Variants in DNAH2 observed in about 807,000 individuals in gnomAD.
DNAH2 encodes dynein axonemal heavy chain 2, also known as axonemal beta dynein heavy chain 2.
DNAH2 carries 323 observed loss-of-function variants against 523.5 expected under a neutral mutation model. The ratio of observed to expected loss-of-function variants is 0.62; its 90% CI spans 0.56 to 0.68. The LOEUF (loss-of-function observed/expected upper bound fraction) is 0.68, where lower values mean the gene tolerates loss of function less well. Among genes scored for constraint, DNAH2 ranks in the 30% least tolerant of loss-of-function variants. The pLI is 0.00. For missense variants in DNAH2, 4,907 were observed against 5,701.5 expected (o/e 0.86, Z 4.49); for synonymous variants, 2,093 against 2,177.4 (o/e 0.96, Z 1.08).
intron 21 of DNAH2, among the ~76,000 whole-genome samples, chr17:7,765,799 G>A (rs1414266938): frequency 6.6e-6 from 1 of 151,024 alleles, no homozygotes; most frequent in Non-Finnish European, 1.5e-5. Context: ...TTTTTTTTGA[G>A]ATGGAATCTC....
chr17:7,765,359 C>T, intron 20 of DNAH2, 32 bp from the exon 21 acceptor site: 2 of 1,592,906 alleles, frequency 1.3e-6, no homozygotes, highest in Non-Finnish European at 1.7e-6. Context: ...ACCTCCTGCT[C>T]CTGGTCATCC....
intron 12 of DNAH2, among the ~76,000 whole-genome samples, chr17:7,746,993 T>TA (rs768828946): frequency 0.063 from 6,280 of 100,386 alleles, 230 homozygotes; most frequent in Admixed American, 0.15. Context: ...ATCTCAAAAT[T>TA]AAAAAAAAAA....
At chr17:7,823,656 C>T (rs748049864) in intron 74 of DNAH2, 28 bp downstream of exon 74, 4 of 1,608,142 alleles carry the variant, frequency 2.5e-6, no homozygotes, top group Non-Finnish European at 3.4e-6. Flanking sequence ...CCCACTCTCA[C>T]TTTTCTCCTT....
intron 59 of DNAH2, among the ~76,000 whole-genome samples, chr17:7,804,739 G>A (rs560330524): frequency 4.4e-4 from 67 of 152,144 alleles, no homozygotes; most frequent in African/African-American, 1.6e-3. Flanking sequence ...CCAGCTACTC[G>A]GGAGGCTGAG....
intron 12 of DNAH2, among the ~76,000 whole-genome samples, chr17:7,756,618 C>A (rs2075846812): frequency 6.6e-6 from 1 of 152,084 alleles, no homozygotes; most frequent in African/African-American, 2.4e-5. Flanking sequence ...CCCCAAATAT[C>A]ATTCCAACAT....
At chr17:7,817,757 G>C in intron 66 of DNAH2, 33 bp from the exon 67 acceptor site, 1 of 1,614,104 alleles carries the variant, frequency 6.2e-7, no homozygotes, top group Non-Finnish European at 8.5e-7. Context: ...ATGGGAGAGA[G>C]GGCCTCACCT....
intron 59 of DNAH2, 22 bp from the exon 60 acceptor site, chr17:7,804,936 C>T (rs2077327402): frequency 3.1e-6 from 5 of 1,605,250 alleles, no homozygotes; most frequent in Admixed American, 3.3e-5. Flanking sequence ...ACAAAAAACC[C>T]TTGTCCTTTT....
At chr17:7,806,138 A>G (rs1053577548) in intron 61 of DNAH2, among the ~76,000 whole-genome samples, 1 of 152,202 alleles carries the variant, frequency 6.6e-6, no homozygotes, top group African/African-American at 2.4e-5. Flanking sequence ...AGTGTTCAAT[A>G]CATTACATGA....
Position 7,720,990 on chromosome 17 carries a change from T to G in DNAH2, c.166+1090T>G, listed in dbSNP as rs2074583099. ...TTCTGCCTCTCCCAGCTCCAAGCTT[T>G]CTTTTCTTTCTTTCTTTTTTTTTTT... On this transcript the variant is annotated intron_variant, in intron 2 of 85. Transcript: ENST00000572933. Among the ~76,000 whole-genome samples, 3 of 149,062 alleles carry G rather than the reference T, an allele frequency of 2.0e-5. No individual in the cohort carries two copies. The South Asian group carries it at 6.3e-4, about 31-fold the overall frequency.
Position 7,770,540 on chromosome 17 carries a change from C to A in DNAH2, c.4099-17C>A. ...AAGAGATACCTGACTGCTGTGTCCC[C>A]CAATTTCTCTCCACAGGCTTTACAA... On this transcript the variant is annotated splice_polypyrimidine_tract_variant and intron_variant, in intron 25 of 85. Transcript: ENST00000572933. 6.2e-7 allele frequency: 1 copy of A among 1,613,970 alleles called. No homozygotes were observed. The highest frequency in any genetic ancestry group is 1.1e-5 in the South Asian group (1 of 91,042).
chr17:7,748,177 C>T (rs796890163), intron 12 of DNAH2, among the ~76,000 whole-genome samples: 5 of 152,346 alleles, frequency 3.3e-5, no homozygotes, highest in African/African-American at 1.2e-4. Flanking sequence ...ACGGACAGAA[C>T]AGCTTCACAG....
intron 11 of DNAH2, 109 bp downstream of exon 11, chr17:7,741,101 C>A (rs1476187969): frequency 7.3e-7 from 1 of 1,370,612 alleles, no homozygotes; most frequent in Non-Finnish European, 9.7e-7. Flanking sequence ...GCACCTATGT[C>A]GGTGAGGGGA....
chr17:7,805,196 A>T, intron 60 of DNAH2, 56 bp from the exon 61 acceptor site: 1 of 1,603,960 alleles, frequency 6.2e-7, no homozygotes, highest in Non-Finnish European at 8.5e-7. Context: ...CACCTCAGCT[A>T]GGTTCTGTCT....
intron 27 of DNAH2, 48 bp from the exon 28 acceptor site, chr17:7,771,282 G>C: frequency 6.2e-7 from 1 of 1,611,964 alleles, no homozygotes; most frequent in Non-Finnish European, 8.5e-7. Flanking sequence ...GCAGAGGGTG[G>C]AGAGTGTGTA....
chr17:7,759,035 G>A lies in DNAH2; in HGVS notation c.2359G>A (p.Ala787Thr). ...FEEDQREHRA[A>T]VQQKLMNLHQ... The stretch of plus-strand genomic sequence containing the variant: ...AGAGGACCAAAGAGAGCATCGGGCA[G>A]CTGTACAGCAGAAATTGATGAACCT... The change falls in exon 15 of 86, where the codon GCT (alanine) becomes ACT (threonine). Residue 787 changes from alanine (A) to threonine (T), a missense_variant. By Grantham distance (58) the Ala-to-Thr change is moderately conservative. Coordinates refer to ENST00000572933, the MANE Select transcript of DNAH2 (RefSeq NM_020877.5). The A allele has an allele frequency of 1.9e-6, 3 of 1,614,208 alleles. No homozygotes were observed. The highest frequency in any genetic ancestry group is 2.5e-6 in the Non-Finnish European group (3 of 1,180,044).
rs2078255026 is a variant in DNAH2, at chr17:7,833,502, G to A, written c.13253G>A (p.Gly4418Asp). The change falls in exon 86 of 86, where the codon GGC becomes GAC. Residue 4418 changes from glycine (G) to aspartate (D), a missense_variant. By Grantham distance (94) the Gly-to-Asp change is moderately conservative. Around this residue, in one of 3 missense-constraint regions of DNAH2, gnomAD observed 1,851 missense variants for 2,139.4 expected, o/e 0.87. Coordinates refer to ENST00000572933, the MANE Select transcript of DNAH2 (RefSeq NM_020877.5). The stretch of plus-strand genomic sequence containing the variant: ...ACACCTGATCATTGGATCAAGAGGG[G>A]CACTGCTCTACTCATGAGCCTGGAC... ...AMTPDHWIKR[G>D]TALLMSLDS The A allele has an allele frequency of 6.2e-7, 1 of 1,614,048 alleles. No individual in the cohort carries two copies. The highest frequency in any genetic ancestry group is 1.6e-4 in the Middle Eastern group (1 of 6,062).
At position 7,770,818 on chromosome 17, in the gene DNAH2, C is replaced by G; in HGVS notation, c.4247C>G (p.Ser1416Ter). 6.2e-7 allele frequency: 1 copy of G among 1,614,172 alleles called. No homozygotes were observed. Among genetic ancestry groups the G allele is most frequent in the East Asian group, 2.2e-5 (1 of 44,880 alleles). The change falls in exon 27 of 86, where the codon TCA (serine) becomes TGA (stop). Residue 1416 changes from serine to a stop codon, truncating the protein, a stop_gained. Coordinates refer to ENST00000572933, the MANE Select transcript of DNAH2 (RefSeq NM_020877.5). LOFTEE classifies it high-confidence loss of function. ...GTAGCTCTGTCTACCATGAAGGCAT[C>G]ACGCTTTGTCAAGGCCTTTGAGAAG... ...NQVALSTMKA[S>*]RFVKAFEKDV...
rs1284345295 is a variant in DNAH2 at position 7,719,783 on chromosome 17, T to C, written c.49T>C (p.Ser17Pro). ...KKQRLSGRGS[S>P]QASWSGRATR... ...GCAGCGATTGAGTGGCCGAGGAAGC[T>C]CCCAGGCAAGCTGGTCAGGGCGGGC... The change falls in exon 2 of 86, where the codon TCC becomes CCC. Residue 17 changes from serine to proline, a missense_variant. Physicochemically the swap from Ser to Pro is moderately conservative, Grantham distance 74 (BLOSUM62 -1). Around this residue, in one of 3 missense-constraint regions of DNAH2, gnomAD observed 2,806 missense variants for 3,190.8 expected, o/e 0.88. Transcript: ENST00000572933. 1.2e-6 allele frequency: 2 copies of C among 1,613,980 alleles called. No individual in the cohort carries two copies. Among genetic ancestry groups the C allele is most frequent in the African/African-American group, 2.7e-5 (2 of 74,918 alleles).
At chr17:7,773,106 AT>A (rs2076361893) in intron 28 of DNAH2, among the ~76,000 whole-genome samples, 1 of 152,158 alleles carries the variant, frequency 6.6e-6, no homozygotes, top group African/African-American at 2.4e-5. Context: ...TTTTATTGCC[AT>A]TTTGTACACA....
Sources: gnomAD v4.1 joint callset for allele counts (sites outside exome capture counted in the v4.1 genomes callset) on GRCh38, gnomAD v4.1.1 for gene constraint, gnomAD v4.1.1 regional missense constraint, MANE v1.5 for transcripts, NCBI Gene and HGNC (gene_info 2026-07-23, HGNC 2026-07-21) for gene names.